Variants in NWD2 observed in about 807,000 individuals in gnomAD.
The protein encoded by NWD2 is NACHT and WD repeat domain-containing protein 2.
Under a neutral mutation model 132.7 loss-of-function variants are expected in NWD2, and 37 were observed. That is an observed-to-expected ratio of 0.28 (90% CI 0.21 to 0.37). The LOEUF (loss-of-function observed/expected upper bound fraction) is 0.37. Among genes scored for constraint, NWD2 ranks in the 10% least tolerant of loss-of-function variants. NWD2 has a pLI of 1.00. For missense variants in NWD2, 1,592 were observed against 2,122.4 expected, an observed-to-expected ratio of 0.75 and a Z score of 4.91; for synonymous variants, 705 against 803.0, an observed-to-expected ratio of 0.88 and a Z score of 2.06.
intron 1 of NWD2, among the ~76,000 whole-genome samples, chr4:37,311,032 G>A (rs1208012452): frequency 7.9e-5 from 12 of 151,764 alleles, no homozygotes; most frequent in Admixed American, 4.6e-4. Flanking sequence ...CCAGTCTATC[G>A]TTGTTGGACA....
chr4:37,358,344 G>A (rs994119873), intron 3 of NWD2, among the ~76,000 whole-genome samples: 2 of 150,812 alleles, frequency 1.3e-5, no homozygotes, highest in Admixed American at 6.6e-5. Flanking sequence ...AGAAAAATAC[G>A]TGGTTTGGGG....
intron 2 of NWD2, among the ~76,000 whole-genome samples, chr4:37,326,617 G>A (rs962998733): frequency 5.3e-5 from 8 of 151,988 alleles, no homozygotes; most frequent in African/African-American, 1.5e-4. Flanking sequence ...GCCATCTAAC[G>A]GTAAAGTGCT....
intron 1 of NWD2, among the ~76,000 whole-genome samples, chr4:37,313,438 G>T (rs146151264): frequency 6.6e-6 from 1 of 150,934 alleles, no homozygotes. Flanking sequence ...AGTATTCTCT[G>T]ATGGTAGTTT....
intron 2 of NWD2, among the ~76,000 whole-genome samples, chr4:37,342,965 C>T (rs1272745656): frequency 6.6e-6 from 1 of 152,042 alleles, no homozygotes; most frequent in East Asian, 1.9e-4. Flanking sequence ...CGTCATATGT[C>T]TCATAATCAA....
intron 1 of NWD2, among the ~76,000 whole-genome samples, chr4:37,298,093 G>A (rs943792089): frequency 3.9e-5 from 6 of 152,092 alleles, no homozygotes; most frequent in African/African-American, 1.2e-4. Context: ...TGATTATTTG[G>A]GGGAAGTTTC....
intron 3 of NWD2, among the ~76,000 whole-genome samples, chr4:37,362,770 G>A (rs972625371): frequency 6.6e-6 from 1 of 152,100 alleles, no homozygotes; most frequent in Admixed American, 6.5e-5. Context: ...TTATTAGTAA[G>A]TCCTCAAAAA....
intron 1 of NWD2, among the ~76,000 whole-genome samples, chr4:37,314,469 A>G (rs1199637195): frequency 6.6e-6 from 1 of 152,208 alleles, no homozygotes. Flanking sequence ...TATTCAGATT[A>G]TCTTTCTTCC....
chr4:37,272,036 T>C (rs1232970976), intron 1 of NWD2, among the ~76,000 whole-genome samples: 1 of 151,726 alleles, frequency 6.6e-6, no homozygotes, highest in African/African-American at 2.4e-5. Flanking sequence ...ATTGCAGGTC[T>C]TTTCTGTGTG....
intron 1 of NWD2, among the ~76,000 whole-genome samples, chr4:37,262,075 C>G (rs1717648822): frequency 6.6e-6 from 1 of 152,174 alleles, no homozygotes; most frequent in Admixed American, 6.5e-5. Flanking sequence ...ACCATCCAAC[C>G]AGAATAAATG....
At chr4:37,430,064 A>AT (rs11288535) in intron 3 of NWD2, among the ~76,000 whole-genome samples, 6 of 151,586 alleles carry the variant, frequency 4.0e-5, no homozygotes, top group Non-Finnish European at 1.5e-5. Flanking sequence ...TTAATTTTGA[A>AT]TTTTTTTTTC....
intron 3 of NWD2, among the ~76,000 whole-genome samples, chr4:37,396,671 G>T (rs1476089584): frequency 1.3e-5 from 2 of 152,128 alleles, no homozygotes; most frequent in Admixed American, 6.5e-5. Flanking sequence ...AATGTGATCT[G>T]CCCAGTCTCT....
chr4:37,411,233 C>T (rs1474091005), intron 3 of NWD2, among the ~76,000 whole-genome samples: 1 of 152,090 alleles, frequency 6.6e-6, no homozygotes, highest in Non-Finnish European at 1.5e-5. Context: ...AAATAGACCA[C>T]TAGCCAGACT....
At chr4:37,392,358 G>A (rs1720694746) in intron 3 of NWD2, among the ~76,000 whole-genome samples, 1 of 152,172 alleles carries the variant, frequency 6.6e-6, no homozygotes, top group African/African-American at 2.4e-5. Context: ...ATAGCTTAAA[G>A]CAGACCATTT....
At position 37,444,282 on chromosome 4, in the gene NWD2, G is replaced by A. The variant is rs1712569786; in HGVS notation, c.2294G>A (p.Gly765Glu). ...ACCATCTTAGCAGATTATTTTCTGG[G>A]GGTTTGGTCAGGGGGCAGGAGGAAA... is the stretch of plus-strand genomic sequence containing the variant. ...MHTILADYFL[G>E]VWSGGRRKAF... Residue 765 changes from glycine (G) to glutamate (E), a missense_variant, in exon 7 of 7, where the codon GGG becomes GAG. Gly to Glu is a moderately conservative substitution (Grantham distance 98, BLOSUM62 -2). This residue lies in a region of NWD2 where 1,071 missense variants were observed against 1,398.0 expected (regional missense o/e 0.77). Coordinates refer to ENST00000309447, the MANE Select transcript of NWD2 (RefSeq NM_001144990.2). This position sits in a 1 kb window ranked among gnomAD's most constrained non-coding sequence, Gnocchi z 4.8. 6.4e-7 allele frequency: 1 copy of A among 1,551,532 alleles called. No individual in the cohort carries two copies. The highest frequency in any genetic ancestry group is 2.0e-5 in the Admixed American group (1 of 50,976).
intron 2 of NWD2, among the ~76,000 whole-genome samples, chr4:37,347,522 A>G (rs1719660132): frequency 1.3e-5 from 2 of 152,158 alleles, no homozygotes; most frequent in Admixed American, 6.5e-5. Flanking sequence ...AGTTTATACC[A>G]ATTTAATAAT....
intron 3 of NWD2, among the ~76,000 whole-genome samples, chr4:37,422,851 CT>C (rs1320888729): frequency 1.3e-5 from 2 of 152,172 alleles, no homozygotes; most frequent in Non-Finnish European, 2.9e-5. Context: ...TCGAAATATT[CT>C]TTCTTTATCT....
At chr4:37,264,904 C>G (rs1717717154) in intron 1 of NWD2, among the ~76,000 whole-genome samples, 1 of 152,212 alleles carries the variant, frequency 6.6e-6, no homozygotes, top group East Asian at 1.9e-4. Context: ...CATAACTTTT[C>G]TTCCATAACA....
intron 3 of NWD2, among the ~76,000 whole-genome samples, chr4:37,391,746 C>A (rs1720682381): frequency 6.6e-6 from 1 of 152,230 alleles, no homozygotes; most frequent in African/African-American, 2.4e-5. Flanking sequence ...GAAGCTGAGA[C>A]ATGGAGACCT....
chr4:37,399,471 A>G (rs1280430155), intron 3 of NWD2, among the ~76,000 whole-genome samples: 3 of 152,186 alleles, frequency 2.0e-5, no homozygotes, highest in African/African-American at 7.2e-5. Context: ...TAAAGTTACT[A>G]CTTTTGAATT....
Sources: gnomAD v4.1 joint callset for allele counts (sites outside exome capture counted in the v4.1 genomes callset) on GRCh38, gnomAD v4.1.1 for gene constraint, gnomAD v4.1.1 regional missense constraint, Gnocchi (gnomAD v3.1) non-coding constraint, MANE v1.5 for transcripts, NCBI Gene and HGNC (gene_info 2026-07-23, HGNC 2026-07-21) for gene names.